FRAS1: variants seen among roughly 807,000 people sequenced by gnomAD.
The protein encoded by FRAS1 is Fraser extracellular matrix complex subunit 1, also known as extracellular matrix organizing protein FRAS1.
In FRAS1, 290 loss-of-function variants were observed where a neutral mutation model predicts 435.2. The observed-to-expected ratio is 0.67, with a 90% CI of 0.61 to 0.73. The LOEUF (loss-of-function observed/expected upper bound fraction) is 0.73, where lower values mean the gene tolerates loss of function less well. Ranked by LOEUF, FRAS1 falls within the 30% of genes least tolerant of loss-of-function variation. The pLI is 0.00. For missense variants in FRAS1, 4,860 were observed against 5,001.5 expected, an observed-to-expected ratio of 0.97 and a Z score of 0.85; for synonymous variants, 1,800 against 1,851.0, an observed-to-expected ratio of 0.97 and a Z score of 0.71.
chr4:78,374,585 G>GAA (rs1409580936), intron 25 of FRAS1, among the ~76,000 whole-genome samples: 1 of 152,172 alleles, frequency 6.6e-6, no homozygotes, highest in Non-Finnish European at 1.5e-5. Context: ...TATAGACATA[G>GAA]AATTTTTAGT....
In FRAS1 at chr4:78,466,207, G is replaced by T; in HGVS notation, c.7030-1G>T. ...CCTCTGGTATTTTGCCTTCCGGACA[G>T]GCCGAGTCTGTCACATTCACCATCG... On this transcript the variant is annotated splice_acceptor_variant, in intron 49 of 73. Transcript: ENST00000512123. LOFTEE classifies it high-confidence loss of function. 6.2e-7 allele frequency: 1 copy of T among 1,613,598 alleles called. No homozygotes were observed. Among genetic ancestry groups the T allele is most frequent in the Non-Finnish European group, 8.5e-7 (1 of 1,179,596 alleles).
chr4:78,499,366 T>C (rs1720608572), intron 60 of FRAS1, among the ~76,000 whole-genome samples: 1 of 152,216 alleles, frequency 6.6e-6, no homozygotes, highest in South Asian at 2.1e-4. Context: ...GCCTACTATG[T>C]CTCAGTCCCT....
At chr4:78,155,518 C>T (rs1049124540) in intron 2 of FRAS1, among the ~76,000 whole-genome samples, 1 of 152,134 alleles carries the variant, frequency 6.6e-6, no homozygotes, top group Non-Finnish European at 1.5e-5. Context: ...TTTTTTAGAA[C>T]TATTATTTCT....
chr4:78,150,627 A>G (rs1208611020), intron 2 of FRAS1, among the ~76,000 whole-genome samples: 1 of 152,196 alleles, frequency 6.6e-6, no homozygotes, highest in Non-Finnish European at 1.5e-5. Context: ...TTAGTTGAAG[A>G]TAGGACGGAT....
intron 6 of FRAS1, among the ~76,000 whole-genome samples, chr4:78,263,103 A>G (rs982693384): frequency 2.0e-5 from 3 of 152,192 alleles, no homozygotes; most frequent in African/African-American, 7.2e-5. Context: ...GGTCAGAATG[A>G]TAGAATTCAG....
At chr4:78,290,133 C>G (rs918915569) in intron 14 of FRAS1, among the ~76,000 whole-genome samples, 1 of 152,044 alleles carries the variant, frequency 6.6e-6, no homozygotes, top group Non-Finnish European at 1.5e-5. Context: ...ACCAACAACA[C>G]GCACCATGTA....
chr4:78,530,096 T>C (rs1721664609), intron 70 of FRAS1, among the ~76,000 whole-genome samples: 1 of 152,234 alleles, frequency 6.6e-6, no homozygotes, highest in South Asian at 2.1e-4. Context: ...TGTAGGAAAA[T>C]TCCACAATGT....
At chr4:78,254,211 C>T (rs758319770) in intron 5 of FRAS1, among the ~76,000 whole-genome samples, 2 of 152,008 alleles carry the variant, frequency 1.3e-5, no homozygotes. Context: ...TAGTGTATAC[C>T]GTATAATAAA....
rs181784258 is a variant in FRAS1 at position 78,066,398 on chromosome 4, A to G, written c.108+382A>G. Among the ~76,000 whole-genome samples the G allele has an allele frequency of 1.9e-3, 282 of 152,340 alleles. 3 individuals are homozygous for G. The highest frequency in any genetic ancestry group is 6.6e-3 in the African/African-American group (276 of 41,590). On this transcript the variant is annotated intron_variant, in intron 2 of 73. Transcript: ENST00000512123. ...CTTTGAACCCTTCTCCAAAAAAAGT[A>G]TGATTATTAAATTAAGTAGAATAGG...
intron 2 of FRAS1, among the ~76,000 whole-genome samples, chr4:78,186,341 T>C (rs1722267458): frequency 6.6e-6 from 1 of 152,176 alleles, no homozygotes; most frequent in Non-Finnish European, 1.5e-5. Flanking sequence ...GGGATATCTA[T>C]TATAAATGCC....
intron 2 of FRAS1, among the ~76,000 whole-genome samples, chr4:78,201,446 T>C (rs1190941857): frequency 6.6e-6 from 1 of 152,194 alleles, no homozygotes; most frequent in Admixed American, 6.5e-5. Context: ...ATGGGGAATC[T>C]TGACTTGCTT....
In FRAS1 at chr4:78,540,604, T is replaced by G. The variant is rs1167011519; in HGVS notation, c.11519T>G (p.Val3840Gly). ...CCTGACACCATCTCAGGGCCCCGGG[T>G]CCAGCGCTCTCTCACAGCTCCACTC... ...IGPDTISGPR[V>G]QRSLTAPLRR... Residue 3840 changes from valine to glycine, a missense_variant, in exon 74 of 74, where the codon GTC (valine) becomes GGC (glycine). Val to Gly is a moderately radical substitution (Grantham distance 109). Coordinates refer to ENST00000512123, the MANE Select transcript of FRAS1 (RefSeq NM_025074.7). The G allele has an allele frequency of 2.6e-6, 4 of 1,552,512 alleles. No individual in the cohort carries two copies. Among genetic ancestry groups the G allele is most frequent in the Non-Finnish European group, 3.5e-6 (4 of 1,149,380 alleles).
rs142000085 is a variant in FRAS1 at position 78,451,144 on chromosome 4, A to T, written c.6464-628A>T. 6.5e-3 allele frequency among the ~76,000 whole-genome samples: 997 copies of T among 152,330 alleles called. 4 individuals are homozygous for T. The highest frequency in any genetic ancestry group is 0.013 in the Admixed American group (206 of 15,304). ...GTGTCTACTTTTAAAAGATAAGACC[A>T]GCCCCCTCTTCCCAGAGATTTGGTT... is the stretch of plus-strand genomic sequence containing the variant. On this transcript the variant is annotated intron_variant, in intron 45 of 73. Transcript: ENST00000512123.
chr4:78,369,859 G>A lies in FRAS1; in HGVS notation c.2744G>A (p.Ser915Asn). Residue 915 changes from serine (S) to asparagine (N), a missense_variant, in exon 23 of 74, where the codon AGC (serine) becomes AAC (asparagine). Coordinates refer to ENST00000512123, the MANE Select transcript of FRAS1 (RefSeq NM_025074.7). ...VCQPCNTHCGSCDSQASCTSC... is the reference protein window; with the variant it reads ...VCQPCNTHCGNCDSQASCTSC... ...TCAGCATGCAACACACACTGTGGAA[G>A]CTGTGATTCACAGGCCAGCTGTACC... 6.2e-7 allele frequency: 1 copy of A among 1,613,246 alleles called. No homozygotes were observed. The highest frequency in any genetic ancestry group is 8.5e-7 in the Non-Finnish European group (1 of 1,179,622).
At chr4:78,092,878 A>G (rs1741604781) in intron 2 of FRAS1, among the ~76,000 whole-genome samples, 1 of 152,230 alleles carries the variant, frequency 6.6e-6, no homozygotes, top group African/African-American at 2.4e-5. Context: ...CAAAGCTAGC[A>G]AAGGCTCTTT....
chr4:78,260,860 C>A (rs1406211434), intron 6 of FRAS1, among the ~76,000 whole-genome samples: 1 of 152,132 alleles, frequency 6.6e-6, no homozygotes, highest in East Asian at 1.9e-4. Context: ...CTTTATAATT[C>A]AAACGTCTTT....
chr4:78,339,954 G>A (rs1002660765), intron 20 of FRAS1, among the ~76,000 whole-genome samples: 3 of 152,094 alleles, frequency 2.0e-5, no homozygotes, highest in African/African-American at 7.2e-5. Context: ...CCTTCATGAT[G>A]GCTTTTTTAT....
At chr4:78,534,355 A>G in intron 70 of FRAS1, 94 bp from the exon 71 acceptor site, 2 of 999,158 alleles carry the variant, frequency 2.0e-6, no homozygotes, top group Non-Finnish European at 3.1e-6. Flanking sequence ...TCTGTGTACA[A>G]TCCTGTGGAG....
chr4:78,487,123 C>G (rs559650840), intron 58 of FRAS1, among the ~76,000 whole-genome samples: 10 of 152,240 alleles, frequency 6.6e-5, no homozygotes, highest in Non-Finnish European at 1.5e-4. Flanking sequence ...CTATGCTGGG[C>G]GATGTCATTG....
Sources: gnomAD v4.1 joint callset for allele counts (sites outside exome capture counted in the v4.1 genomes callset) on GRCh38, gnomAD v4.1.1 for gene constraint, MANE v1.5 for transcripts, NCBI Gene and HGNC (gene_info 2026-07-23, HGNC 2026-07-21) for gene names.